The following RAP2C variants were observed in gnomAD, a reference collection of about 807,000 sequenced individuals.
The protein encoded by RAP2C is RAP2C, member of RAS oncogene family, also known as ras-related protein Rap-2c.
Under a neutral mutation model 8.9 loss-of-function variants are expected in RAP2C, and 3 were observed. The observed-to-expected ratio is 0.34, with a 90% CI of 0.15 to 0.87. RAP2C has a LOEUF of 0.87. RAP2C is among the 40% of genes least tolerant of loss of function. The pLI is 0.51. For missense variants in RAP2C, 76 were observed against 133.7 expected (o/e 0.57, Z 2.13); for synonymous variants, 60 against 52.1 (o/e 1.15, Z -0.65).
In RAP2C at chrX:132,217,131, C is replaced by T. The variant is rs781287834; in HGVS notation, c.138G>A (p.Val46=). Residue 46 remains valine (V), a synonymous_variant, in exon 4 of 6, where the codon GTG becomes GTA. Coordinates refer to ENST00000370874, the MANE Select transcript of RAP2C (RefSeq NM_001271186.2). ...IEDFYRKEIE[V]DSSPSVLEIL... ...TTTCCAGCACGGAGGGGGAAGAGTC[C>T]ACTTCGATCTCTTTGCGGTAGAAAT... The T allele has an allele frequency of 1.7e-5, 21 of 1,203,151 alleles. No homozygotes were observed. Among genetic ancestry groups the T allele is most frequent in the Non-Finnish European group, 2.4e-5 (21 of 891,977 alleles).
intron 5 of RAP2C, among the ~76,000 whole-genome samples, chrX:132,211,047 G>A: frequency 9.1e-6 from 1 of 109,478 alleles, no homozygotes; most frequent in East Asian, 2.9e-4. Flanking sequence ...CTTAACCAAG[G>A]GCAATTTTTG....
Position 132,204,115 on chromosome X carries a change from GGTTTT to G in RAP2C, c.*1502_*1506del, listed in dbSNP as rs774210574. 2.1e-4 allele frequency: 24 copies of G among 111,927 alleles called. No individual in the cohort carries two copies. Among genetic ancestry groups the G allele is most frequent in the Non-Finnish European group, 3.8e-4 (20 of 53,013 alleles). The allele number at this position is 111,927 out of a possible 1,213,427, so 9.2% of individuals were successfully genotyped here. On this transcript the variant is annotated 3_prime_UTR_variant, in exon 6 of 6. Transcript: ENST00000370874. ...TATTATAGATCAAAAGTATAGTTTT[GGTTTT>G]GTTTTATTTTATTTAGAAGCATGTT...
At chrX:132,211,280 CT>C (rs1930422725) in intron 5 of RAP2C, among the ~76,000 whole-genome samples, 1 of 111,460 alleles carries the variant, frequency 9.0e-6, no homozygotes, top group African/African-American at 3.3e-5. Context: ...TGATTTACTT[CT>C]TTTATAGTAC....
intron 4 of RAP2C, among the ~76,000 whole-genome samples, chrX:132,215,259 T>C (rs1390177077): frequency 2.7e-5 from 3 of 111,185 alleles, no homozygotes; most frequent in Non-Finnish European, 5.7e-5. Context: ...GGGGCAAGTA[T>C]TGATTTAATA....
In RAP2C at chrX:132,203,217, CATG is replaced by C. The variant is rs1177329281; in HGVS notation, c.*2402_*2404del. The C allele has an allele frequency of 3.6e-5, 4 of 111,752 alleles. No homozygotes were observed. Among genetic ancestry groups the C allele is most frequent in the African/African-American group, 9.8e-5 (3 of 30,669 alleles). The allele number at this position is 111,752 out of a possible 1,213,427, so 9.2% of individuals were successfully genotyped here. A position where few individuals can be genotyped will look rare whatever the true frequency, so the allele number is the denominator to read the frequency against. On this transcript the variant is annotated 3_prime_UTR_variant, in exon 6 of 6. Coordinates refer to ENST00000370874, the MANE Select transcript of RAP2C (RefSeq NM_001271186.2). ...TGATAAAGTTACAGTACATTAGATC[CATG>C]ATAATAGGTTACATTATTTTATTTG... is the stretch of plus-strand genomic sequence containing the variant.
rs1016798683 is a variant in RAP2C at position 132,217,671 on chromosome X, C to T, written c.-403G>A. Reference sequence around the variant, plus strand: ...CCGGGGCTGCCCGGCACTCCTCCCCCGCCCTTCACACAAAGGGGCCCAGGG... The same window carrying T: ...CCGGGGCTGCCCGGCACTCCTCCCCTGCCCTTCACACAAAGGGGCCCAGGG... On this transcript the variant is annotated 5_prime_UTR_variant, in exon 4 of 6. Transcript: ENST00000370874. 1.6e-3 allele frequency: 201 copies of T among 126,656 alleles called. 1 individual carries two copies. The highest frequency in any genetic ancestry group is 2.9e-3 in the Non-Finnish European group (182 of 62,689). The allele number at this position is 126,656 out of a possible 1,213,427, so 10.4% of individuals were successfully genotyped here. A position where few individuals can be genotyped will look rare whatever the true frequency, so the allele number is the denominator to read the frequency against.
chrX:132,214,421 A>G lies in RAP2C; in HGVS notation c.299T>C (p.Ile100Thr). The G allele has an allele frequency of 8.3e-7, 1 of 1,210,817 alleles. No individual in the cohort carries two copies. Among genetic ancestry groups the G allele is most frequent in the Non-Finnish European group, 1.1e-6 (1 of 894,920 alleles). Residue 100 changes from isoleucine to threonine, a missense_variant, in exon 5 of 6, where the codon ATT (isoleucine) becomes ACT (threonine). Physicochemically the swap from Ile to Thr is moderately conservative, Grantham distance 89 (BLOSUM62 -1). Coordinates refer to ENST00000370874, the MANE Select transcript of RAP2C (RefSeq NM_001271186.2). ...TTTTTCATATCTCTTCACTCTGACA[A>G]TTTGATCTCTCATTGGCTTGATATC... ...FQDIKPMRDQ[I>T]VRVKRYEKVP...
At chrX:132,215,666 C>G (rs770146127) in intron 4 of RAP2C, among the ~76,000 whole-genome samples, 1 of 111,304 alleles carries the variant, frequency 9.0e-6, no homozygotes, top group Non-Finnish European at 1.9e-5. Flanking sequence ...TATGAAACAC[C>G]CTTCAAAAGA....
chrX:132,216,048 C>T (rs932614778), intron 4 of RAP2C, among the ~76,000 whole-genome samples: 2 of 112,110 alleles, frequency 1.8e-5, no homozygotes, highest in African/African-American at 6.5e-5. Flanking sequence ...CCTTTAAATG[C>T]AGAAAAAATA....
At chrX:132,210,664 A>C (rs1324828392) in intron 5 of RAP2C, among the ~76,000 whole-genome samples, 4 of 112,037 alleles carry the variant, frequency 3.6e-5, no homozygotes, top group African/African-American at 9.8e-5. Flanking sequence ...ACTGAGAAAA[A>C]TGGTATAAAA....
chrX:132,213,534 C>T (rs1930488804), intron 5 of RAP2C, among the ~76,000 whole-genome samples: 1 of 111,317 alleles, frequency 9.0e-6, no homozygotes, highest in African/African-American at 3.3e-5. Flanking sequence ...GATAATTCAA[C>T]TAGATTATCT....
At chrX:132,209,901 G>C (rs1187369561) in intron 5 of RAP2C, among the ~76,000 whole-genome samples, 1 of 111,292 alleles carries the variant, frequency 9.0e-6, no homozygotes, top group Non-Finnish European at 1.9e-5. Flanking sequence ...ATTCAGTGAA[G>C]GTCTGGGAGA....
chrX:132,215,203 G>C (rs958418976), intron 4 of RAP2C, among the ~76,000 whole-genome samples: 1 of 110,069 alleles, frequency 9.1e-6, no homozygotes, highest in East Asian at 2.9e-4. Context: ...AATTACAAAA[G>C]ATAAGAGCGT....
chrX:132,218,743 C>T (rs1267522413), intron 1 of RAP2C: 1 of 111,613 alleles, frequency 9.0e-6, no homozygotes, highest in Admixed American at 9.5e-5. Flanking sequence ...AAAAAAAAAT[C>T]ACAAGGCTCG....
At chrX:132,208,902 A>G (rs1239826009) in intron 5 of RAP2C, among the ~76,000 whole-genome samples, 5 of 111,542 alleles carry the variant, frequency 4.5e-5, no homozygotes, top group Non-Finnish European at 9.4e-5. Context: ...CCTGGCCTCA[A>G]GTGATCCTTC....
rs1242905431 is a variant in RAP2C at position 132,204,898 on chromosome X, G to A, written c.*724C>T. ...AGATTAACACATGTGAAAACCTAATGGAACTGAATGCTTAACTCTTCAACT... is the reference window on the plus strand; with the variant it reads ...AGATTAACACATGTGAAAACCTAATAGAACTGAATGCTTAACTCTTCAACT... On this transcript the variant is annotated 3_prime_UTR_variant, in exon 6 of 6. Coordinates refer to ENST00000370874, the MANE Select transcript of RAP2C (RefSeq NM_001271186.2). The A allele has an allele frequency of 9.2e-6, 1 of 108,504 alleles. No individual in the cohort carries two copies. Among genetic ancestry groups the A allele is most frequent in the African/African-American group, 3.4e-5 (1 of 29,722 alleles). The allele number at this position is 108,504 out of a possible 1,213,427, so 8.9% of individuals were successfully genotyped here.
At chrX:132,206,257 C>CT (rs765484021) in intron 5 of RAP2C, among the ~76,000 whole-genome samples, 1 of 111,749 alleles carries the variant, frequency 8.9e-6, no homozygotes, top group Non-Finnish European at 1.9e-5. Context: ...TGAGCACCTA[C>CT]TAGGTGCCTA....
At position 132,203,524 on chromosome X, in the gene RAP2C, AG is replaced by A; in HGVS notation, c.*2097del. ...GTAATTTTGAGAGAGAGAGAGAGAG[AG>A]AGAGAGAGAGAGAGAGAGAGAGAGA... On this transcript the variant is annotated 3_prime_UTR_variant, in exon 6 of 6. Transcript: ENST00000370874. 1 of 78,256 alleles carries A rather than the reference AG, an allele frequency of 1.3e-5. No individual in the cohort carries two copies. Among genetic ancestry groups the A allele is most frequent in the South Asian group, 5.4e-4 (1 of 1,836 alleles). 6.4% of individuals were successfully genotyped at this position (78,256 alleles called of 1,213,427 possible).
chrX:132,212,225 A>G (rs1288743709), intron 5 of RAP2C, among the ~76,000 whole-genome samples: 1 of 91,888 alleles, frequency 1.1e-5, no homozygotes, highest in Non-Finnish European at 2.1e-5. Flanking sequence ...ACCCACTACT[A>G]TAAAAATGAA....
Sources: allele counts gnomAD v4.1 joint callset (sites outside exome capture counted in the v4.1 genomes callset), GRCh38; gene constraint gnomAD v4.1.1; transcripts MANE v1.5; gene names NCBI Gene and HGNC (gene_info 2026-07-23, HGNC 2026-07-21).